Variants in PLPBP observed in about 807,000 individuals in gnomAD.
PLPBP encodes the protein pyridoxal phosphate homeostasis protein.
A neutral mutation model predicts 31.2 loss-of-function variants in PLPBP; 21 were observed. The observed-to-expected ratio is 0.67, with a 90% CI of 0.48 to 0.97. The LOEUF is 0.97. Ranked by LOEUF, PLPBP falls within the 50% of genes least tolerant of loss-of-function variation. The pLI is 0.00. For missense variants in PLPBP, 308 were observed against 354.4 expected, an observed-to-expected ratio of 0.87 and a Z score of 1.05; for synonymous variants, 124 against 135.6, an observed-to-expected ratio of 0.91 and a Z score of 0.59.
At chr8:37,769,744 CAT>C (rs934927274) in intron 4 of PLPBP, among the ~76,000 whole-genome samples, 26 of 152,232 alleles carry the variant, frequency 1.7e-4, no homozygotes, top group African/African-American at 5.8e-4. Flanking sequence ...CTTGGAAAAA[CAT>C]AAAGATTCCA....
intron 4 of PLPBP, 199 bp downstream of exon 4, chr8:37,766,554 A>G: frequency 8.3e-7 from 1 of 1,211,478 alleles, no homozygotes; most frequent in Non-Finnish European, 1.0e-6. Flanking sequence ...TTTCTGGGTT[A>G]TATATACTTG....
In PLPBP at chr8:37,775,623, C is replaced by G. The variant is rs557433739; in HGVS notation, c.597+142C>G. 9 of 1,314,996 alleles carry G rather than the reference C, an allele frequency of 6.8e-6. No homozygotes were observed. In the East Asian group the frequency reaches 1.9e-4, roughly 27 times the overall value. 81.5% of individuals were successfully genotyped at this position (1,314,996 alleles called of 1,614,324 possible). A position where few individuals can be genotyped will look rare whatever the true frequency, so the allele number is the denominator to read the frequency against. On this transcript the variant is annotated intron_variant, in intron 6 of 7. Transcript: ENST00000328195. ...TTCTAGCCCTCTTTTGAACTCTTCT[C>G]AGAAGGAAAAGGGAAGAACAGGTTT...
rs994600278 is a variant in PLPBP, at chr8:37,779,377, A to G, written c.*1273A>G. The G allele has an allele frequency of 2.0e-5, 3 of 152,186 alleles. No individual in the cohort carries two copies. Among genetic ancestry groups the G allele is most frequent in the Non-Finnish European group, 4.4e-5 (3 of 68,030 alleles). 9.4% of individuals were successfully genotyped at this position (152,186 alleles called of 1,614,324 possible). A position where few individuals can be genotyped will look rare whatever the true frequency, so the allele number is the denominator to read the frequency against. On this transcript the variant is annotated 3_prime_UTR_variant, in exon 8 of 8. Transcript: ENST00000328195. ...TTTGACATTCCTTGTCCTGAGGAGC[A>G]CTTTCCAGGCATAGTTACAGCTTCC...
At position 37,769,615 on chromosome 8, in the gene PLPBP, A is replaced by G. The variant is rs573053102; in HGVS notation, c.320-3140A>G. On this transcript the variant is annotated intron_variant, in intron 4 of 7. Transcript: ENST00000328195. ...ATGAAAAATATTCATCCTCAGAGAA[A>G]TACAAAATCACTAATCAGATTTGTA... 9.8e-5 allele frequency among the ~76,000 whole-genome samples: 15 copies of G among 152,306 alleles called. No homozygotes were observed. In the South Asian group the frequency reaches 2.9e-3, roughly 29 times the overall value.
At position 37,775,486 on chromosome 8, in the gene PLPBP, T is replaced by C. The variant is rs1563327441; in HGVS notation, c.597+5T>C. ...GGACCAAATCCAGACTTCCAGGTAC[T>C]GGGGGGTCGGGGAGATTGCTCGTGT... On this transcript the variant is annotated splice_donor_5th_base_variant and intron_variant, in intron 6 of 7. Coordinates refer to ENST00000328195, the MANE Select transcript of PLPBP (RefSeq NM_007198.4). 4.3e-6 allele frequency: 7 copies of C among 1,613,522 alleles called. No individual in the cohort carries two copies.
intron 6 of PLPBP, 94 bp downstream of exon 6, chr8:37,775,575 T>A (rs772932924): frequency 1.2e-5 from 19 of 1,523,708 alleles, no homozygotes; most frequent in Non-Finnish European, 1.7e-5. Context: ...TGCAGAGTCA[T>A]CCCAGACACT....
chr8:37,775,521 G>A, intron 6 of PLPBP, 40 bp downstream of exon 6: 1 of 1,611,834 alleles, frequency 6.2e-7, no homozygotes, highest in Admixed American at 1.7e-5. Context: ...TGCTAAAGAA[G>A]CAGGGTGCTG....
chr8:37,763,302 G>C (rs1305099667), intron 1 of PLPBP, among the ~76,000 whole-genome samples: 2 of 152,210 alleles, frequency 1.3e-5, no homozygotes, highest in Non-Finnish European at 2.9e-5. Flanking sequence ...AGCCGGTTAA[G>C]GGGAGCTTTC....
intron 4 of PLPBP, among the ~76,000 whole-genome samples, chr8:37,768,183 T>C (rs979034636): frequency 6.6e-6 from 1 of 152,208 alleles, no homozygotes; most frequent in Non-Finnish European, 1.5e-5. Context: ...ATTAATCTTA[T>C]TATATGTCAT....
At position 37,773,257 on chromosome 8, in the gene PLPBP, T is replaced by C. The variant is rs900180860; in HGVS notation, c.454+368T>C. On this transcript the variant is annotated intron_variant, in intron 5 of 7. Coordinates refer to ENST00000328195, the MANE Select transcript of PLPBP (RefSeq NM_007198.4). ...ATCTCGGCTCACTGCAACCTCCGCC[T>C]CCCGGGTTGAAGCAATTCTCCCACC... 3.6e-4 allele frequency among the ~76,000 whole-genome samples: 54 copies of C among 151,804 alleles called. 2 individuals are homozygous for C. Among genetic ancestry groups the C allele is most frequent in the South Asian group, 2.1e-4 (1 of 4,808 alleles).
chr8:37,766,245 A>G (rs778206134), intron 3 of PLPBP, 35 bp from the exon 4 acceptor site: 41 of 1,553,066 alleles, frequency 2.6e-5, no homozygotes, highest in East Asian at 1.6e-4. Flanking sequence ...CCTCTATAAA[A>G]TCTGAATTAC....
Position 37,762,667 on chromosome 8 carries a change from G to C in PLPBP, c.8G>C (p.Arg3Thr), listed in dbSNP as rs982521520. ...GGCGTCGGTCCCCGGGGGATGTGGA[G>C]AGCTGGCAGCATGTCGGCCGAGCTG... MW[R>T]AGSMSAELGV... The change falls in exon 1 of 8, where the codon AGA becomes ACA. Residue 3 changes from arginine to threonine, a missense_variant. Physicochemically the swap from Arg to Thr is moderately conservative, Grantham distance 71. Transcript: ENST00000328195. The C allele has an allele frequency of 5.7e-6, 9 of 1,582,652 alleles. No individual in the cohort carries two copies. Among genetic ancestry groups the C allele is most frequent in the Admixed American group, 1.8e-5 (1 of 55,084 alleles).
chr8:37,774,682 C>T (rs1040429851), intron 5 of PLPBP, among the ~76,000 whole-genome samples: 1 of 152,166 alleles, frequency 6.6e-6, no homozygotes, highest in Non-Finnish European at 1.5e-5. Context: ...CAATAGAAAT[C>T]TGAAATCAAC....
intron 4 of PLPBP, among the ~76,000 whole-genome samples, chr8:37,769,505 C>T (rs895974951): frequency 1.2e-4 from 18 of 150,156 alleles, no homozygotes; most frequent in Non-Finnish European, 2.6e-4. Context: ...TAAAGAGCTA[C>T]AAATCTTTTT....
chr8:37,763,993 A>T (rs1049750422), intron 1 of PLPBP, among the ~76,000 whole-genome samples: 1 of 150,820 alleles, frequency 6.6e-6, no homozygotes, highest in Non-Finnish European at 1.5e-5. Context: ...TGGTCGTGAG[A>T]GGATGTCACA....
At position 37,762,735 on chromosome 8, in the gene PLPBP, C is replaced by A; in HGVS notation, c.76C>A (p.Gln26Lys). Reference sequence around the variant, plus strand: ...GCGGGCGGTGAACGAGCGCGTGCAGCAGGCTGTGGCGCGGCGGCCGCGGGT... The same window carrying A: ...GCGGGCGGTGAACGAGCGCGTGCAGAAGGCTGTGGCGCGGCGGCCGCGGGT... The part of the protein sequence containing the change: ...ALRAVNERVQ[Q>K]AVARRPRDLP... Residue 26 changes from glutamine (Q) to lysine (K), a missense_variant, in exon 1 of 8, where the codon CAG becomes AAG. By Grantham distance (53) the Gln-to-Lys change is moderately conservative. This residue lies in a region of PLPBP where 120 missense variants were observed against 95.1 expected (regional missense o/e 1.26). Coordinates refer to ENST00000328195, the MANE Select transcript of PLPBP (RefSeq NM_007198.4). The A allele has an allele frequency of 6.3e-7, 1 of 1,581,694 alleles. No homozygotes were observed. The highest frequency in any genetic ancestry group is 1.1e-5 in the South Asian group (1 of 87,526).
chr8:37,766,837 A>C (rs939055099), intron 4 of PLPBP: 8 of 189,784 alleles, frequency 4.2e-5, no homozygotes, highest in Non-Finnish European at 7.8e-5. Context: ...TGAGGTCAGG[A>C]GTTCAAGACC....
chr8:37,767,046 C>CAAAAAAAAA (rs377103424), intron 4 of PLPBP, among the ~76,000 whole-genome samples: 2 of 57,140 alleles, frequency 3.5e-5, no homozygotes, highest in Admixed American at 2.5e-4. Context: ...GACTTCATCC[C>CAAAAAAAAA]AAAAAAAAAA....
At chr8:37,763,690 G>A (rs1803543918) in intron 1 of PLPBP, among the ~76,000 whole-genome samples, 1 of 152,118 alleles carries the variant, frequency 6.6e-6, no homozygotes, top group South Asian at 2.1e-4. Flanking sequence ...CAGATGGGCT[G>A]CCTGTTCGGG....
Sources: gnomAD v4.1 joint callset for allele counts (sites outside exome capture counted in the v4.1 genomes callset) on GRCh38, gnomAD v4.1.1 for gene constraint, gnomAD v4.1.1 regional missense constraint, MANE v1.5 for transcripts, NCBI Gene and HGNC (gene_info 2026-07-23, HGNC 2026-07-21) for gene names.